ZNF773: variants seen among roughly 807,000 people sequenced by gnomAD.
ZNF773 encodes the protein zinc finger protein 773.
In ZNF773, 11 loss-of-function variants were observed where a neutral mutation model predicts 12.8. That is an observed-to-expected ratio of 0.86 (90% CI 0.54 to 1.42). ZNF773 has a LOEUF of 1.42. ZNF773 is among the 40% of genes most tolerant of loss of function. ZNF773 has a pLI of 0.00. For missense variants in ZNF773, 518 were observed against 527.2 expected (o/e 0.98, Z 0.17); for synonymous variants, 175 against 178.4 (o/e 0.98, Z 0.15).
downstream of ZNF773, chr19:57,508,439 C>A: frequency 1.5e-6 from 1 of 657,910 alleles, no homozygotes; most frequent in South Asian, 1.7e-5. Context: ...AATGTTAGAT[C>A]TTCTTTAATA....
intron 1 of ZNF773, among the ~76,000 whole-genome samples, chr19:57,501,089 G>A (rs751179935): frequency 1.3e-5 from 2 of 152,132 alleles, no homozygotes; most frequent in Non-Finnish European, 1.5e-5. Context: ...CAGTCCATAT[G>A]GAGAAAAGGA....
At chr19:57,511,482 G>A (rs558736862), downstream of ZNF773, among the ~76,000 whole-genome samples, 4 of 152,186 alleles carry the variant, frequency 2.6e-5, no homozygotes, top group South Asian at 2.1e-4. Context: ...TAGAGAACCC[G>A]GAAATACACT....
At position 57,506,687 on chromosome 19, in the gene ZNF773, A is replaced by G; in HGVS notation, c.592A>G (p.Lys198Glu). The change falls in exon 4 of 4, where the codon AAA (lysine) becomes GAA (glutamate). Residue 198 changes from lysine to glutamate, a missense_variant. By Grantham distance (56) the Lys-to-Glu change is moderately conservative (BLOSUM62 1). Transcript: ENST00000282292. ...GCATTACAAATGCAGTGAATGTGGG[A>G]AAGCCTTTGGTCAGAAATATTTACT... ...KRHYKCSECG[K>E]AFGQKYLLVQ... The G allele has an allele frequency of 6.2e-7, 1 of 1,614,260 alleles. No individual in the cohort carries two copies.
chr19:57,502,857 A>AT (rs1214038533), intron 1 of ZNF773, among the ~76,000 whole-genome samples: 1 of 151,738 alleles, frequency 6.6e-6, no homozygotes. Flanking sequence ...CGCCCAGATA[A>AT]TTTTTTTGTA....
At position 57,506,465 on chromosome 19, in the gene ZNF773, C is replaced by T. The variant is rs372466664; in HGVS notation, c.370C>T (p.Pro124Ser). The change falls in exon 4 of 4, where the codon CCC becomes TCC. Residue 124 changes from proline (P) to serine (S), a missense_variant. Transcript: ENST00000282292. ...QHQKQHCGEKPLKRQEGRVPV... is the reference protein window; with the variant it reads ...QHQKQHCGEKSLKRQEGRVPV... ...CCAGAAGCAGCACTGTGGAGAGAAACCCTTAAAAAGACAAGAGGGCAGGGT... is the reference window on the plus strand; with the variant it reads ...CCAGAAGCAGCACTGTGGAGAGAAATCCTTAAAAAGACAAGAGGGCAGGGT... The T allele has an allele frequency of 1.9e-6, 3 of 1,614,096 alleles. No individual in the cohort carries two copies. In the African/African-American group the frequency reaches 4.0e-5, roughly 22 times the overall value.
chr19:57,511,981 T>A (rs1038503752), downstream of ZNF773, among the ~76,000 whole-genome samples: 4 of 152,298 alleles, frequency 2.6e-5, no homozygotes, highest in African/African-American at 9.6e-5. Flanking sequence ...AGAATGCAGA[T>A]CACTGGTTAT....
chr19:57,511,857 A>G (rs1773939849), downstream of ZNF773, among the ~76,000 whole-genome samples: 1 of 145,924 alleles, frequency 6.9e-6, no homozygotes, highest in Non-Finnish European at 1.5e-5. Context: ...ATACAAGCAA[A>G]AACAGCATAG....
In ZNF773 at chr19:57,505,386, C is replaced by A. The variant is rs779381235; in HGVS notation, c.248C>A (p.Ser83Ter). ...ATGCCTGCTTGGGAAGTTGTGACTT[C>A]AGCCATACTGAGAGGTACTTGGTGG... ...PFMPAWEVVT[S>*]AILRGSWQGA... Residue 83 changes from serine to a stop codon, truncating the protein, a stop_gained, in exon 3 of 4, where the codon TCA becomes TAA. Coordinates refer to ENST00000282292, the MANE Select transcript of ZNF773 (RefSeq NM_198542.3). LOFTEE classifies it low-confidence loss of function (END_TRUNC). 3 of 1,614,048 alleles carry A rather than the reference C, an allele frequency of 1.9e-6. No individual in the cohort carries two copies. In the Admixed American group the frequency reaches 5.0e-5, roughly 27 times the overall value.
chr19:57,507,620 A>C lies in ZNF773; in HGVS notation c.*196A>C. ...AGCCAAAGGCCTAACCGTATTCAAC[A>C]CCAGAAAGTTTAGACTGGAGAAAGG... is the stretch of plus-strand genomic sequence containing the variant. On this transcript the variant is annotated 3_prime_UTR_variant, in exon 4 of 4. Transcript: ENST00000282292. The C allele has an allele frequency of 7.2e-7, 1 of 1,393,662 alleles. No homozygotes were observed. The highest frequency in any genetic ancestry group is 9.2e-7 in the Non-Finnish European group (1 of 1,082,152). 86.3% of individuals were successfully genotyped at this position (1,393,662 alleles called of 1,614,324 possible).
chr19:57,507,684 G>A lies in ZNF773; in HGVS notation c.*260G>A. 7.9e-7 allele frequency: 1 copy of A among 1,264,766 alleles called. No homozygotes were observed. The highest frequency in any genetic ancestry group is 3.2e-5 in the East Asian group (1 of 31,568). The allele number at this position is 1,264,766 out of a possible 1,614,324, so 78.3% of individuals were successfully genotyped here. A position where few individuals can be genotyped will look rare whatever the true frequency, so the allele number is the denominator to read the frequency against. ...CTGAATCAATATGACCTGACTTAAA[G>A]CAGAAACAGCCAGGCGTGGTGGCTG... On this transcript the variant is annotated 3_prime_UTR_variant, in exon 4 of 4. Transcript: ENST00000282292.
At chr19:57,500,951 C>T (rs1600146826) in intron 1 of ZNF773, among the ~76,000 whole-genome samples, 1 of 152,024 alleles carries the variant, frequency 6.6e-6, no homozygotes, top group South Asian at 2.1e-4. Flanking sequence ...TTTCGTGGTC[C>T]GAAGTGATTT....
At chr19:57,502,758 C>T (rs1199368070) in intron 1 of ZNF773, among the ~76,000 whole-genome samples, 6 of 152,142 alleles carry the variant, frequency 3.9e-5, no homozygotes, top group Non-Finnish European at 5.9e-5. Context: ...GTGGCATGAT[C>T]TCGGCTCACT....
At chr19:57,512,926 C>T (rs766907008), downstream of ZNF773, 184 of 1,354,112 alleles carry the variant, frequency 1.4e-4, no homozygotes, top group Non-Finnish European at 1.7e-4. Flanking sequence ...TGTAGAAGCT[C>T]AGGGCCCTTG....
At position 57,506,771 on chromosome 19, in the gene ZNF773, A is replaced by T; in HGVS notation, c.676A>T (p.Lys226Ter). ...EKPYECSECGKLFSHKSNLFI... is the reference protein window; with the variant it reads ...EKPYECSECG ...GCCTTATGAATGCAGTGAATGTGGG[A>T]AGTTATTTAGCCATAAGTCCAACCT... The change falls in exon 4 of 4, where the codon AAG becomes TAG. Residue 226 changes from lysine (K) to a stop codon, truncating the protein, a stop_gained. Transcript: ENST00000282292. LOFTEE classifies it low-confidence loss of function (END_TRUNC). 1 of 1,614,250 alleles carries T rather than the reference A, an allele frequency of 6.2e-7. No homozygotes were observed. The highest frequency in any genetic ancestry group is 8.5e-7 in the Non-Finnish European group (1 of 1,180,042).
intron 1 of ZNF773, 35 bp from the exon 2 acceptor site, chr19:57,504,622 G>A: frequency 1.2e-6 from 2 of 1,611,154 alleles, no homozygotes; most frequent in Non-Finnish European, 1.7e-6. Context: ...CCCCAGTAAG[G>A]AGACCGCAGA....
At chr19:57,510,744 A>C (rs1336470266), downstream of ZNF773, among the ~76,000 whole-genome samples, 1 of 152,216 alleles carries the variant, frequency 6.6e-6, no homozygotes, top group Non-Finnish European at 1.5e-5. Context: ...AATGTACTTC[A>C]CAATAGCATA....
At chr19:57,500,201 C>T in intron 1 of ZNF773, 88 bp downstream of exon 1, 8 of 1,443,996 alleles carry the variant, frequency 5.5e-6, no homozygotes, top group Non-Finnish European at 9.2e-7. Flanking sequence ...AACTGTGGGG[C>T]GTTCGTGGGC....
downstream of ZNF773, among the ~76,000 whole-genome samples, chr19:57,510,683 A>G (rs2089787527): frequency 1.3e-5 from 2 of 152,200 alleles, no homozygotes; most frequent in South Asian, 4.1e-4. Flanking sequence ...AGTATATATC[A>G]CTATTCTAAG....
downstream of ZNF773, among the ~76,000 whole-genome samples, chr19:57,510,226 T>C (rs1340203196): frequency 7.2e-5 from 11 of 152,252 alleles, no homozygotes; most frequent in Non-Finnish European, 1.0e-4. Context: ...GTGAGGTTTA[T>C]CAAGAATAGA....
Sources: gnomAD v4.1 joint callset for allele counts (sites outside exome capture counted in the v4.1 genomes callset) on GRCh38, gnomAD v4.1.1 for gene constraint, MANE v1.5 for transcripts, NCBI Gene and HGNC (gene_info 2026-07-23, HGNC 2026-07-21) for gene names.